Variants in NEK9 observed in about 807,000 individuals in gnomAD.
The protein encoded by NEK9 is serine/threonine-protein kinase Nek9.
A neutral mutation model predicts 123.4 loss-of-function variants in NEK9; 75 were observed. That is an observed-to-expected ratio of 0.61 (90% CI 0.50 to 0.74). NEK9 has a LOEUF of 0.74. Ranked by LOEUF, NEK9 falls within the 30% of genes least tolerant of loss-of-function variation. The probability of loss-of-function intolerance (pLI) is 0.00; values close to 1 mark genes in which losing one functional copy is unlikely to be tolerated. For synonymous variants in NEK9, 438 were observed against 458.7 expected (o/e 0.95, Z 0.58); for missense variants, 952 against 1,214.4 (o/e 0.78, Z 3.21).
chr14:75,092,180 A>T (rs913300406), intron 18 of NEK9, among the ~76,000 whole-genome samples: 4 of 151,456 alleles, frequency 2.6e-5, no homozygotes, highest in African/African-American at 9.7e-5. Flanking sequence ...GGGTTTCACT[A>T]TGTTGGCCAG....
intron 10 of NEK9, 21 bp from the exon 11 acceptor site, chr14:75,107,508 A>C (rs1894818940): frequency 6.4e-7 from 1 of 1,557,152 alleles, no homozygotes; most frequent in Admixed American, 2.1e-5. Flanking sequence ...AAGAGGTCTT[A>C]TGACTTTTTT....
intron 18 of NEK9, among the ~76,000 whole-genome samples, 164 bp downstream of exon 18, chr14:75,095,204 ATAAC>A (rs1231555360): frequency 3.3e-5 from 5 of 152,248 alleles, no homozygotes; most frequent in African/African-American, 1.2e-4. Flanking sequence ...TGTAAAAGTT[ATAAC>A]TTACTGCAAA....
rs188752793 is a variant in NEK9 at position 75,083,201 on chromosome 14, G to C, written c.*1363C>G. On this transcript the variant is annotated 3_prime_UTR_variant, in exon 22 of 22. Coordinates refer to ENST00000238616, the MANE Select transcript of NEK9 (RefSeq NM_033116.6). ...AAGGTGGGATGTGAGACTCATCAAA[G>C]GTAGGATGTGTGACACAAAATACCA... The C allele has an allele frequency of 5.0e-5, 20 of 397,912 alleles. No individual in the cohort carries two copies. Among genetic ancestry groups the C allele is most frequent in the African/African-American group, 4.1e-4 (20 of 48,736 alleles). The allele number at this position is 397,912 out of a possible 1,614,324, so 24.6% of individuals were successfully genotyped here. A position where few individuals can be genotyped will look rare whatever the true frequency, so the allele number is the denominator to read the frequency against.
rs1211454841 is a variant in NEK9, at chr14:75,114,855, A to G, written c.763-542T>C. Among the ~76,000 whole-genome samples the G allele has an allele frequency of 3.3e-5, 5 of 152,154 alleles. No individual in the cohort carries two copies. The East Asian group carries it at 9.6e-4, about 29-fold the overall frequency. On this transcript the variant is annotated intron_variant, in intron 6 of 21. Transcript: ENST00000238616. The stretch of plus-strand genomic sequence containing the variant: ...CTCACTAACACCATTCAAGGAAATT[A>G]TTATCATTATCAATTTATATATGAG...
At chr14:75,124,880 C>T (rs1255390374) in intron 1 of NEK9, among the ~76,000 whole-genome samples, 1 of 151,460 alleles carries the variant, frequency 6.6e-6, no homozygotes, top group African/African-American at 2.4e-5. Flanking sequence ...AAGCAATCCT[C>T]CCACCTCAGC....
intron 8 of NEK9, among the ~76,000 whole-genome samples, chr14:75,111,137 T>C (rs1467195969): frequency 1.3e-5 from 2 of 152,232 alleles, no homozygotes; most frequent in African/African-American, 4.8e-5. Context: ...CAACAGTGGA[T>C]GTGATACCCA....
rs367861139 is a variant in NEK9, at chr14:75,110,327, C to T, written c.983G>A (p.Arg328Lys). ...AGAGTCTCTTGAACATTACCTTGGT[C>T]TCTTTGTAGGTGCATTAAGCAGAGT... is the stretch of plus-strand genomic sequence containing the variant. ...KVTLLNAPTKRPRSSTVTEAP... is the reference protein window; with the variant it reads ...KVTLLNAPTKKPRSSTVTEAP... The change falls in exon 9 of 22, where the codon AGA becomes AAA. Residue 328 changes from arginine to lysine, a missense_variant. Arg to Lys is a conservative substitution (Grantham distance 26). Coordinates refer to ENST00000238616, the MANE Select transcript of NEK9 (RefSeq NM_033116.6). 2 of 1,612,362 alleles carry T rather than the reference C, an allele frequency of 1.2e-6. No individual in the cohort carries two copies. The highest frequency in any genetic ancestry group is 1.3e-5 in the African/African-American group (1 of 74,872).
chr14:75,097,968 C>T (rs539507920), intron 16 of NEK9, among the ~76,000 whole-genome samples: 3 of 152,302 alleles, frequency 2.0e-5, no homozygotes, highest in African/African-American at 4.8e-5. Flanking sequence ...TCACATAGGG[C>T]CAGTCGGGCC....
At position 75,097,099 on chromosome 14, in the gene NEK9, C is replaced by A; in HGVS notation, c.2173+1G>T. 1 of 1,601,600 alleles carries A rather than the reference C, an allele frequency of 6.2e-7. No individual in the cohort carries two copies. Among genetic ancestry groups the A allele is most frequent in the Non-Finnish European group, 8.5e-7 (1 of 1,173,274 alleles). On this transcript the variant is annotated splice_donor_variant, in intron 17 of 21. Coordinates refer to ENST00000238616, the MANE Select transcript of NEK9 (RefSeq NM_033116.6). LOFTEE classifies it high-confidence loss of function. ...CAACCCCAGACATATGAAACTCTTA[C>A]CAACGATGAGAATGGTATGCCATCC...
chr14:75,088,540 C>A lies in NEK9; in HGVS notation c.2544G>T (p.Leu848=). ...SEKDTLPYEE[L]QGLKVASEAP... ...CTTCAGAGGCCACTTTGAGTCCTTG[C>A]AGCTCTTCATAGGGCAGGGTATCTT... The change falls in exon 20 of 22, where the codon CTG becomes CTT. Residue 848 remains leucine, a synonymous_variant. Transcript: ENST00000238616. The A allele has an allele frequency of 1.2e-6, 2 of 1,614,118 alleles. No individual in the cohort carries two copies. The highest frequency in any genetic ancestry group is 1.7e-6 in the Non-Finnish European group (2 of 1,180,014).
intron 12 of NEK9, 165 bp downstream of exon 12, chr14:75,106,337 T>G (rs1594838828): frequency 1.6e-6 from 1 of 623,618 alleles, no homozygotes; most frequent in South Asian, 2.0e-5. Flanking sequence ...CCAGCCTGGG[T>G]GACAGAGAGA....
chr14:75,090,261 A>T (rs1894170354), intron 19 of NEK9, among the ~76,000 whole-genome samples: 1 of 148,682 alleles, frequency 6.7e-6, no homozygotes, highest in Admixed American at 6.7e-5. Context: ...TACAGCTGGG[A>T]GCCATCATGC....
intron 18 of NEK9, among the ~76,000 whole-genome samples, chr14:75,094,774 T>G (rs1894327087): frequency 6.6e-6 from 1 of 152,038 alleles, no homozygotes; most frequent in Admixed American, 6.6e-5. Flanking sequence ...AGCAAGACTG[T>G]GCCTCAAAAA....
chr14:75,079,639 C>A lies in NEK9; in HGVS notation c.*4925G>T, dbSNP rs1013864915. ...GCTGGCCTAGCATTCATAATATGAT[C>A]TGACATTTAAAAACTGGGATATGGA... On this transcript the variant is annotated 3_prime_UTR_variant, in exon 22 of 22. Coordinates refer to ENST00000238616, the MANE Select transcript of NEK9 (RefSeq NM_033116.6). The A allele has an allele frequency of 6.6e-6, 1 of 152,186 alleles. No individual in the cohort carries two copies. Among genetic ancestry groups the A allele is most frequent in the African/African-American group, 2.4e-5 (1 of 41,440 alleles). 9.4% of individuals were successfully genotyped at this position (152,186 alleles called of 1,614,324 possible). A position where few individuals can be genotyped will look rare whatever the true frequency, so the allele number is the denominator to read the frequency against.
At chr14:75,099,945 A>G (rs1375533293) in intron 16 of NEK9, among the ~76,000 whole-genome samples, 3 of 151,054 alleles carry the variant, frequency 2.0e-5, no homozygotes, top group African/African-American at 7.3e-5. Context: ...CCTGGCTAAC[A>G]TGGTGAAACC....
Position 75,126,706 on chromosome 14 carries a change from G to C in NEK9, c.216C>G (p.Thr72=). The stretch of plus-strand genomic sequence containing the variant: ...GGCCGGCGCCGAGGGCCGCTACCTC[G>C]GTGCGGCGGTACAGCGTGGCTTCCC... The part of the protein sequence containing the change: ...AFGEATLYRR[T]EDDSLVVWKE... The change falls in exon 1 of 22, where the codon ACC becomes ACG. Residue 72 remains threonine, a synonymous_variant. Coordinates refer to ENST00000238616, the MANE Select transcript of NEK9 (RefSeq NM_033116.6). 7.0e-7 allele frequency: 1 copy of C among 1,421,724 alleles called. No homozygotes were observed. The highest frequency in any genetic ancestry group is 9.2e-7 in the Non-Finnish European group (1 of 1,091,392). 88.1% of individuals were successfully genotyped at this position (1,421,724 alleles called of 1,614,324 possible).
chr14:75,091,445 C>A lies in NEK9; in HGVS notation c.2267G>T (p.Gly756Val). ...GTCCTCTTCTTCACCACCGCCGCCCCCGCCGCCTCCTCCCGGGCTAGAGCT... is the reference window on the plus strand; with the variant it reads ...GTCCTCTTCTTCACCACCGCCGCCCACGCCGCCTCCTCCCGGGCTAGAGCT... ...FQSSSPGGGG[G>V]GGGGEEEDSQ... The change falls in exon 19 of 22, where the codon GGG becomes GTG. Residue 756 changes from glycine to valine, a missense_variant. This residue lies in a region of NEK9 where 698 missense variants were observed against 875.6 expected (regional missense o/e 0.80). Coordinates refer to ENST00000238616, the MANE Select transcript of NEK9 (RefSeq NM_033116.6). 1.2e-6 allele frequency: 2 copies of A among 1,605,518 alleles called. No individual in the cohort carries two copies.
At chr14:75,115,716 T>A (rs1895119671) in intron 6 of NEK9, among the ~76,000 whole-genome samples, 1 of 152,122 alleles carries the variant, frequency 6.6e-6, no homozygotes, top group African/African-American at 2.4e-5. Flanking sequence ...CTCAGTGTGC[T>A]CCATGGACCA....
chr14:75,121,036 C>A, intron 3 of NEK9, 83 bp downstream of exon 3: 1 of 1,111,526 alleles, frequency 9.0e-7, no homozygotes, highest in Non-Finnish European at 1.4e-6. Context: ...ACACTCTTCA[C>A]TATTGGAAGA....
Sources: allele counts gnomAD v4.1 joint callset (sites outside exome capture counted in the v4.1 genomes callset), GRCh38; gene constraint gnomAD v4.1.1; regional missense constraint gnomAD v4.1.1; transcripts MANE v1.5; gene names NCBI Gene and HGNC (gene_info 2026-07-23, HGNC 2026-07-21).